The following AKR1C8 variants were observed in gnomAD, a reference collection of about 807,000 sequenced individuals.
AKR1C8 encodes aldo-keto reductase family 1 member C8.
chr10:5,158,974 T>A, the AKR1C8 span, among the ~76,000 whole-genome samples: 1 of 152,156 alleles, frequency 6.6e-6, no homozygotes, highest in South Asian at 2.1e-4. Flanking sequence ...CTAAAAGCCA[T>A]TTTTACTGAA....
chr10:5,132,393 G>C, the AKR1C8 span, among the ~76,000 whole-genome samples: 2 of 152,186 alleles, frequency 1.3e-5, no homozygotes, highest in East Asian at 3.8e-4. Context: ...AAAGTAAAGT[G>C]ATTTTCAAGT....
the AKR1C8 span, among the ~76,000 whole-genome samples, chr10:5,125,140 C>G: frequency 3.9e-5 from 6 of 151,928 alleles, no homozygotes; most frequent in Non-Finnish European, 1.5e-5. Context: ...TTGTACACAT[C>G]TTTTATTAGG....
the AKR1C8 span, chr10:5,155,143 G>A: frequency 6.6e-6 from 1 of 152,160 alleles, no homozygotes; most frequent in Admixed American, 6.5e-5. Context: ...ATCCTGAAGA[G>A]GGAATACCAC....
the AKR1C8 span, among the ~76,000 whole-genome samples, chr10:5,175,568 T>C: frequency 1.3e-5 from 2 of 152,192 alleles, no homozygotes; most frequent in Non-Finnish European, 2.9e-5. Flanking sequence ...TCCACAATGT[T>C]TGAACTAGTT....
the AKR1C8 span, chr10:5,122,100 T>G: frequency 2.8e-6 from 1 of 358,224 alleles, no homozygotes; most frequent in East Asian, 1.1e-4. Context: ...TAACTTAGCA[T>G]GTCGGAGATT....
the AKR1C8 span, chr10:5,123,605 C>G: frequency 9.2e-7 from 1 of 1,087,994 alleles, no homozygotes; most frequent in Non-Finnish European, 1.3e-6. Context: ...CAAATTCTCA[C>G]CTTACCCTAA....
chr10:5,161,789 G>T, the AKR1C8 span: 3 of 534,602 alleles, frequency 5.6e-6, no homozygotes, highest in African/African-American at 1.9e-5. Flanking sequence ...GCTAGAATTA[G>T]ATAATTCAGA....
At chr10:5,122,677 T>C in the AKR1C8 span, among the ~76,000 whole-genome samples, 1 of 152,118 alleles carries the variant, frequency 6.6e-6, no homozygotes, top group African/African-American at 2.4e-5. Flanking sequence ...GTCTCAAAGA[T>C]CAGTCAGAAA....
At chr10:5,168,396 A>C in the AKR1C8 span, among the ~76,000 whole-genome samples, 1 of 151,938 alleles carries the variant, frequency 6.6e-6, no homozygotes, top group Non-Finnish European at 1.5e-5. Flanking sequence ...ATAGTCATCA[A>C]TTCCTCCAGT....
At chr10:5,132,610 T>A in the AKR1C8 span, 1 of 1,576,536 alleles carries the variant, frequency 6.3e-7, no homozygotes, top group Non-Finnish European at 8.7e-7. Context: ...ACCTTTGAAG[T>A]GTAGAATATG....
chr10:5,145,688 T>C, the AKR1C8 span, among the ~76,000 whole-genome samples: 2 of 152,080 alleles, frequency 1.3e-5, no homozygotes, highest in African/African-American at 4.8e-5. Flanking sequence ...CATTAAAAAG[T>C]CAGGAAACAA....
chr10:5,166,659 A>G, the AKR1C8 span, among the ~76,000 whole-genome samples: 177 of 152,366 alleles, frequency 1.2e-3, 1 homozygote, highest in African/African-American at 4.2e-3. Flanking sequence ...AAAGACTTAA[A>G]CGATAGACCT....
At chr10:5,180,995 G>C in the AKR1C8 span, among the ~76,000 whole-genome samples, 1 of 152,174 alleles carries the variant, frequency 6.6e-6, no homozygotes, top group African/African-American at 2.4e-5. Context: ...TGCACCCACT[G>C]TCCTGTGCCC....
At chr10:5,162,427 G>A in the AKR1C8 span, among the ~76,000 whole-genome samples, 3 of 152,174 alleles carry the variant, frequency 2.0e-5, no homozygotes, top group Non-Finnish European at 4.4e-5. Context: ...TACATATGAA[G>A]CATGGATTTC....
chr10:5,150,806 T>G, the AKR1C8 span, among the ~76,000 whole-genome samples: 1 of 152,114 alleles, frequency 6.6e-6, no homozygotes, highest in African/African-American at 2.4e-5. Flanking sequence ...AAATAAGACC[T>G]AATCAAGACA....
At chr10:5,136,449 G>GA in the AKR1C8 span, among the ~76,000 whole-genome samples, 1 of 37,920 alleles carries the variant, frequency 2.6e-5, no homozygotes, top group African/African-American at 2.0e-4. Flanking sequence ...TCAAGAGGCT[G>GA]AGGCAGGAGA....
At chr10:5,120,016 T>A in the AKR1C8 span, among the ~76,000 whole-genome samples, 3 of 152,132 alleles carry the variant, frequency 2.0e-5, no homozygotes, top group Admixed American at 2.0e-4. Flanking sequence ...CACTGTGACA[T>A]GCTCATGATG....
At chr10:5,145,407 G>A in the AKR1C8 span, among the ~76,000 whole-genome samples, 2 of 151,956 alleles carry the variant, frequency 1.3e-5, no homozygotes, top group Non-Finnish European at 2.9e-5. Flanking sequence ...GAGTGAACAG[G>A]CAACCTACAA....
At chr10:5,185,142 C>T in the AKR1C8 span, 2 of 533,972 alleles carry the variant, frequency 3.7e-6, no homozygotes, top group South Asian at 2.8e-5. Flanking sequence ...TCCTCACTGA[C>T]AGCCCAGTAG....
Sources: allele counts gnomAD v4.1 joint callset (sites outside exome capture counted in the v4.1 genomes callset), GRCh38; gene constraint gnomAD v4.1.1; transcripts MANE v1.5; gene names NCBI Gene and HGNC (gene_info 2026-07-23, HGNC 2026-07-21).